Variants in SLC9A9 observed in about 807,000 individuals in gnomAD.
SLC9A9 encodes sodium/hydrogen exchanger 9.
In SLC9A9, 62 loss-of-function variants were observed where a neutral mutation model predicts 77.8. The ratio of observed to expected loss-of-function variants is 0.80; its 90% CI spans 0.65 to 0.98. The LOEUF (loss-of-function observed/expected upper bound fraction) is 0.98, where lower values mean the gene tolerates loss of function less well. Among genes scored for constraint, SLC9A9 ranks in the 50% least tolerant of loss-of-function variants. The probability of loss-of-function intolerance (pLI) is 0.00; values close to 1 mark genes in which losing one functional copy is unlikely to be tolerated. For missense variants in SLC9A9, 775 were observed against 774.9 expected, an observed-to-expected ratio of 1.00 and a Z score of 0.00; for synonymous variants, 320 against 283.5, an observed-to-expected ratio of 1.13 and a Z score of -1.29.
intron 13 of SLC9A9, among the ~76,000 whole-genome samples, chr3:143,378,466 G>A (rs779606001): frequency 6.6e-6 from 1 of 152,180 alleles, no homozygotes; most frequent in Admixed American, 6.5e-5. Context: ...GTGAGCAAAC[G>A]CATATAAGGT....
chr3:143,533,987 C>G (rs539963301), intron 9 of SLC9A9, among the ~76,000 whole-genome samples: 1 of 152,214 alleles, frequency 6.6e-6, no homozygotes, highest in South Asian at 2.1e-4. Context: ...ATGGCAAATG[C>G]TTTTATTAAA....
chr3:143,473,676 T>C (rs928283878), intron 11 of SLC9A9, among the ~76,000 whole-genome samples: 1 of 152,264 alleles, frequency 6.6e-6, no homozygotes, highest in African/African-American at 2.4e-5. Flanking sequence ...TATTAAATCA[T>C]AGTCTGAAAT....
At chr3:143,522,077 C>G (rs913514540) in intron 9 of SLC9A9, among the ~76,000 whole-genome samples, 4 of 152,056 alleles carry the variant, frequency 2.6e-5, no homozygotes, top group African/African-American at 9.7e-5. Flanking sequence ...ACCTAAGATT[C>G]TGTTTGAAAT....
At chr3:143,448,124 G>T (rs1559919861) in intron 12 of SLC9A9, among the ~76,000 whole-genome samples, 1 of 152,078 alleles carries the variant, frequency 6.6e-6, no homozygotes, top group Non-Finnish European at 1.5e-5. Context: ...GTGCTTCATT[G>T]GCCAGACAGC....
At chr3:143,313,018 C>A (rs1200435199) in intron 14 of SLC9A9, 2 of 152,168 alleles carry the variant, frequency 1.3e-5, no homozygotes, top group Admixed American at 1.3e-4. Flanking sequence ...TATAATATTA[C>A]ACGAGAACAG....
At chr3:143,651,011 G>A (rs1160072760) in intron 6 of SLC9A9, among the ~76,000 whole-genome samples, 1 of 152,230 alleles carries the variant, frequency 6.6e-6, no homozygotes, top group Non-Finnish European at 1.5e-5. Context: ...TTGCACTTTA[G>A]TGGTTTTGCT....
chr3:143,662,585 A>G (rs1380848948), intron 5 of SLC9A9, among the ~76,000 whole-genome samples: 1 of 152,110 alleles, frequency 6.6e-6, no homozygotes, highest in Non-Finnish European at 1.5e-5. Flanking sequence ...CTGGAAACTC[A>G]GGACACTCGT....
intron 4 of SLC9A9, among the ~76,000 whole-genome samples, chr3:143,757,569 A>G (rs6788064): frequency 0.47 from 71,839 of 151,856 alleles, 18,352 homozygotes; most frequent in East Asian, 0.77. Flanking sequence ...TTGCAAGTCA[A>G]TGGATGCCTG....
chr3:143,638,474 A>G (rs2038562277), intron 6 of SLC9A9, among the ~76,000 whole-genome samples: 1 of 152,234 alleles, frequency 6.6e-6, no homozygotes, highest in African/African-American at 2.4e-5. Context: ...AACTTTTGAA[A>G]TGAGAAACTC....
intron 4 of SLC9A9, among the ~76,000 whole-genome samples, chr3:143,751,727 C>G (rs749965340): frequency 6.6e-6 from 1 of 152,152 alleles, no homozygotes; most frequent in African/African-American, 2.4e-5. Flanking sequence ...AGAGGGATGA[C>G]AGGAAGTAAA....
chr3:143,761,245 G>T (rs545079293), intron 4 of SLC9A9, among the ~76,000 whole-genome samples: 1 of 152,276 alleles, frequency 6.6e-6, no homozygotes, highest in Admixed American at 6.5e-5. Context: ...AACCCTAGAA[G>T]AAAACCTAGG....
At chr3:143,454,966 G>C (rs114462659) in intron 12 of SLC9A9, among the ~76,000 whole-genome samples, 1 of 152,138 alleles carries the variant, frequency 6.6e-6, no homozygotes, top group East Asian at 1.9e-4. Flanking sequence ...CTTATAAAAA[G>C]GTTCATGTGA....
chr3:143,387,992 C>T (rs1266914967), intron 12 of SLC9A9, among the ~76,000 whole-genome samples: 1 of 152,092 alleles, frequency 6.6e-6, no homozygotes, highest in Non-Finnish European at 1.5e-5. Flanking sequence ...CTTTTGAGCC[C>T]CCTGGTGACA....
At chr3:143,287,709 A>G (rs1263301481) in intron 14 of SLC9A9, among the ~76,000 whole-genome samples, 1 of 152,222 alleles carries the variant, frequency 6.6e-6, no homozygotes, top group Non-Finnish European at 1.5e-5. Context: ...CTTGTCCTTC[A>G]GTGCTAATGG....
intron 11 of SLC9A9, among the ~76,000 whole-genome samples, chr3:143,481,530 G>A (rs529554433): frequency 6.6e-6 from 1 of 152,294 alleles, no homozygotes; most frequent in Admixed American, 6.5e-5. Context: ...CTGGCATCTA[G>A]GAGGGTCTAA....
intron 14 of SLC9A9, among the ~76,000 whole-genome samples, chr3:143,339,231 C>T (rs1229258772): frequency 6.6e-6 from 1 of 152,190 alleles, no homozygotes; most frequent in African/African-American, 2.4e-5. Context: ...ACAATATTCT[C>T]ATTAGAGCTT....
At chr3:143,597,008 TC>T (rs1375769308) in intron 6 of SLC9A9, among the ~76,000 whole-genome samples, 6 of 152,180 alleles carry the variant, frequency 3.9e-5, no homozygotes, top group Non-Finnish European at 8.8e-5. Flanking sequence ...TCTTTTTTTT[TC>T]TTCTATGTTC....
intron 4 of SLC9A9, among the ~76,000 whole-genome samples, chr3:143,731,105 A>G (rs758801356): frequency 6.6e-6 from 1 of 152,180 alleles, no homozygotes; most frequent in Non-Finnish European, 1.5e-5. Flanking sequence ...GAAGCCCTCA[A>G]GAGACATCCC....
In SLC9A9 at chr3:143,762,657, A is replaced by G. The variant is rs2007172492; in HGVS notation, c.533+32344T>C. Reference sequence around the variant, plus strand: ...TCTCAAGTTTATCTGAGCTTGCCAGAGCAATTGATACACCTGTGTATGAAC... The same window carrying G: ...TCTCAAGTTTATCTGAGCTTGCCAGGGCAATTGATACACCTGTGTATGAAC... On this transcript the variant is annotated intron_variant, in intron 4 of 15. Coordinates refer to ENST00000316549, the MANE Select transcript of SLC9A9 (RefSeq NM_173653.4). 2.0e-5 allele frequency among the ~76,000 whole-genome samples: 3 copies of G among 152,270 alleles called. No homozygotes were observed. In the South Asian group the frequency reaches 6.2e-4, roughly 32 times the overall value.
Sources: allele counts gnomAD v4.1 joint callset (sites outside exome capture counted in the v4.1 genomes callset), GRCh38; gene constraint gnomAD v4.1.1; transcripts MANE v1.5; gene names NCBI Gene and HGNC (gene_info 2026-07-23, HGNC 2026-07-21).